Variants in COL14A1 observed in about 807,000 individuals in gnomAD.
COL14A1 encodes collagen type XIV alpha 1 chain.
In COL14A1, 136 loss-of-function variants were observed where a neutral mutation model predicts 230.3. That is an observed-to-expected ratio of 0.59 (90% CI 0.51 to 0.68). The LOEUF is 0.68. Ranked by LOEUF, COL14A1 falls within the 30% of genes least tolerant of loss-of-function variation. The probability of loss-of-function intolerance (pLI) is 0.00; values close to 1 mark genes in which losing one functional copy is unlikely to be tolerated. For synonymous variants in COL14A1, 792 were observed against 784.1 expected (o/e 1.01, Z -0.17); for missense variants, 1,976 against 2,215.8 (o/e 0.89, Z 2.17).
intron 1 of COL14A1, among the ~76,000 whole-genome samples, chr8:120,133,277 GA>G (rs1317751779): frequency 1.4e-5 from 2 of 146,786 alleles, no homozygotes. Context: ...AGAGAAAGAA[GA>G]AAAAATTCTG....
At chr8:120,170,238 G>T (rs1563649157) in intron 5 of COL14A1, among the ~76,000 whole-genome samples, 1 of 151,784 alleles carries the variant, frequency 6.6e-6, no homozygotes, top group Admixed American at 6.6e-5. Flanking sequence ...AACATCCAGA[G>T]TTGAGTGTTT....
rs143084853 is a variant in COL14A1 at position 120,283,818 on chromosome 8, A to G, written c.3967+40A>G. 400 of 1,546,736 alleles carry G rather than the reference A, an allele frequency of 2.6e-4. 1 individual carries two copies. The East Asian group carries it at 8.8e-3, about 34-fold the overall frequency. ...TGAGATCACATTCACATATACATGT[A>G]TGAGTAATGTATGTGGCATGCCATT... On this transcript the variant is annotated intron_variant, in intron 32 of 47. Coordinates refer to ENST00000297848, the MANE Select transcript of COL14A1 (RefSeq NM_021110.4).
At chr8:120,355,404 CTT>C (rs144319877) in intron 45 of COL14A1, among the ~76,000 whole-genome samples, 15 of 144,438 alleles carry the variant, frequency 1.0e-4, no homozygotes, top group South Asian at 4.4e-4. Flanking sequence ...TAATTTCAGT[CTT>C]TTTTTTTTTT....
intron 41 of COL14A1, 125 bp downstream of exon 41, chr8:120,332,319 T>C: frequency 2.3e-6 from 2 of 857,604 alleles, no homozygotes; most frequent in Admixed American, 2.5e-5. Flanking sequence ...AACTCATCCC[T>C]TGATAGAGAA....
intron 19 of COL14A1, among the ~76,000 whole-genome samples, chr8:120,236,618 T>C (rs1818453259): frequency 1.3e-5 from 2 of 152,210 alleles, no homozygotes; most frequent in Admixed American, 1.3e-4. Context: ...CCCATTTACA[T>C]TTAAGGTTAA....
chr8:120,198,039 C>A, intron 7 of COL14A1, 109 bp downstream of exon 7: 1 of 1,096,674 alleles, frequency 9.1e-7, no homozygotes, highest in Non-Finnish European at 1.3e-6. Context: ...ATTAAACTAG[C>A]ACTTAGGATT....
intron 7 of COL14A1, among the ~76,000 whole-genome samples, chr8:120,199,056 G>C (rs1291707081): frequency 1.3e-5 from 2 of 152,132 alleles, no homozygotes; most frequent in Admixed American, 1.3e-4. Context: ...AAAACCTAGT[G>C]ATAACGCACT....
Position 120,247,687 on chromosome 8 carries a change from C to T in COL14A1, c.2554C>T (p.Pro852Ser), listed in dbSNP as rs1004338231. 2 of 1,614,084 alleles carry T rather than the reference C, an allele frequency of 1.2e-6. No individual in the cohort carries two copies. Among genetic ancestry groups the T allele is most frequent in the Non-Finnish European group, 1.7e-6 (2 of 1,180,022 alleles). ...CCGGTTGCGCATTACGTGGGACCCC[C>T]CATCTTCCCCGGTGAAAGGCTATAG... ...YNRLRITWDP[P>S]SSPVKGYRIV... The change falls in exon 21 of 48, where the codon CCA becomes TCA. Residue 852 changes from proline (P) to serine (S), a missense_variant. This residue lies in a region of COL14A1 where 1,791 missense variants were observed against 2,019.5 expected (regional missense o/e 0.89). Transcript: ENST00000297848.
In COL14A1 at chr8:120,312,845, C is replaced by G. The variant is rs376947528; in HGVS notation, c.4456-1087C>G. Among the ~76,000 whole-genome samples, 24 of 152,160 alleles carry G rather than the reference C, an allele frequency of 1.6e-4. No individual in the cohort carries two copies. The South Asian group carries it at 1.7e-3, about 11-fold the overall frequency. ...TCCCATGTAACGTGTTCACCAATCT[C>G]AGAGCTAAGATGATACACAGATGTT... On this transcript the variant is annotated intron_variant, in intron 37 of 47. Transcript: ENST00000297848.
In COL14A1 at chr8:120,208,338, G is replaced by A; in HGVS notation, c.1298G>A (p.Gly433Asp). 1 of 1,613,278 alleles carries A rather than the reference G, an allele frequency of 6.2e-7. No homozygotes were observed. The highest frequency in any genetic ancestry group is 8.5e-7 in the Non-Finnish European group (1 of 1,179,572). ...ATCTATGCCCACACTGCTAGTGAAG[G>A]CCTACGGGGAACTGAAACTACACGT... ...FAIYAHTASE[G>D]LRGTETTLAL... Residue 433 changes from glycine to aspartate, a missense_variant, in exon 11 of 48, where the codon GGC becomes GAC. Gly to Asp is a moderately conservative substitution (Grantham distance 94). This residue lies in a region of COL14A1 where 1,791 missense variants were observed against 2,019.5 expected (regional missense o/e 0.89). Transcript: ENST00000297848.
At chr8:120,254,720 C>A (rs543264802) in intron 22 of COL14A1, among the ~76,000 whole-genome samples, 49 of 150,432 alleles carry the variant, frequency 3.3e-4, no homozygotes, top group African/African-American at 1.2e-3. Context: ...TATAGTGGCT[C>A]ACACCTGTAA....
intron 18 of COL14A1, among the ~76,000 whole-genome samples, chr8:120,229,268 C>G (rs1189391035): frequency 2.6e-5 from 3 of 114,548 alleles, no homozygotes; most frequent in East Asian, 6.4e-4. Context: ...CCCCTCCCCC[C>G]ACCCCACAAC....
chr8:120,149,496 C>T (rs936964250), intron 2 of COL14A1, among the ~76,000 whole-genome samples: 16 of 152,088 alleles, frequency 1.1e-4, no homozygotes, highest in African/African-American at 3.9e-4. Flanking sequence ...CTTCTAAACT[C>T]CAGGATACAA....
At chr8:120,285,521 T>C (rs559249902) in intron 32 of COL14A1, among the ~76,000 whole-genome samples, 4 of 151,776 alleles carry the variant, frequency 2.6e-5, no homozygotes, top group African/African-American at 7.2e-5. Context: ...TCTTTAAGAT[T>C]TGATAAACTT....
At chr8:120,128,078 GATGTTAGGAAA>G (rs1379114259) in intron 1 of COL14A1, among the ~76,000 whole-genome samples, 4 of 152,184 alleles carry the variant, frequency 2.6e-5, no homozygotes, top group African/African-American at 9.7e-5. Context: ...GATAGTGCTG[GATGTTAGGAAA>G]ATAATCATTC....
At chr8:120,299,322 A>G (rs1820637141) in intron 35 of COL14A1, among the ~76,000 whole-genome samples, 1 of 152,084 alleles carries the variant, frequency 6.6e-6, no homozygotes, top group Admixed American at 6.6e-5. Flanking sequence ...AGAAGGAAGC[A>G]ACTTGTTATT....
intron 21 of COL14A1, among the ~76,000 whole-genome samples, chr8:120,249,051 C>G (rs1422541282): frequency 2.7e-5 from 4 of 148,712 alleles, no homozygotes; most frequent in African/African-American, 9.9e-5. Flanking sequence ...TCAGCTTCTC[C>G]GAGTAGCTGG....
At chr8:120,165,277 T>C (rs754045967) in intron 4 of COL14A1, among the ~76,000 whole-genome samples, 2 of 152,230 alleles carry the variant, frequency 1.3e-5, no homozygotes, top group Admixed American at 1.3e-4. Flanking sequence ...AGGAAAGTGG[T>C]GATCAAGATA....
At chr8:120,309,616 T>A (rs1820963334) in intron 36 of COL14A1, among the ~76,000 whole-genome samples, 1 of 152,212 alleles carries the variant, frequency 6.6e-6, no homozygotes, top group African/African-American at 2.4e-5. Flanking sequence ...TACTTTCATG[T>A]GCTTTCTACA....
Sources: allele counts gnomAD v4.1 joint callset (sites outside exome capture counted in the v4.1 genomes callset), GRCh38; gene constraint gnomAD v4.1.1; regional missense constraint gnomAD v4.1.1; transcripts MANE v1.5; gene names NCBI Gene and HGNC (gene_info 2026-07-23, HGNC 2026-07-21).